CTNNA3: variants seen among roughly 807,000 people sequenced by gnomAD.
CTNNA3 encodes the protein catenin alpha 3.
Under a neutral mutation model 95.7 loss-of-function variants are expected in CTNNA3, and 76 were observed. That is an observed-to-expected ratio of 0.79 (90% CI 0.66 to 0.96). The LOEUF (loss-of-function observed/expected upper bound fraction) is 0.96, where lower values mean the gene tolerates loss of function less well. Ranked by LOEUF, CTNNA3 falls within the 40% of genes least tolerant of loss-of-function variation. The probability of loss-of-function intolerance (pLI) is 0.00; values close to 1 mark genes in which losing one functional copy is unlikely to be tolerated. For synonymous variants in CTNNA3, 431 were observed against 374.4 expected, an observed-to-expected ratio of 1.15 and a Z score of -1.74; for missense variants, 1,191 against 1,089.8, an observed-to-expected ratio of 1.09 and a Z score of -1.31.
chr10:67,607,002 T>C lies in CTNNA3; in HGVS notation c.147A>G (p.Lys49=). Residue 49 remains lysine, a synonymous_variant, in exon 3 of 18, where the codon AAA becomes AAG. Coordinates refer to ENST00000433211, the MANE Select transcript of CTNNA3 (RefSeq NM_013266.4). Reference sequence around the variant, plus strand: ...GGACACTGGCTCTTTTCGAACGTCCTTTTTTCCTGCTGGAAGGGTTCTGGG... The same window carrying C: ...GGACACTGGCTCTTTTCGAACGTCCCTTTTTCCTGCTGGAAGGGTTCTGGG... ...NCPQNPSSRK[K]GRSKRASVLL... 1 of 1,613,202 alleles carries C rather than the reference T, an allele frequency of 6.2e-7. No homozygotes were observed. Among genetic ancestry groups the C allele is most frequent in the African/African-American group, 1.3e-5 (1 of 75,004 alleles).
In CTNNA3 at chr10:67,110,362, C is replaced by CA. The variant is rs201393286; in HGVS notation, c.1047+69954dup. 3.0e-3 allele frequency among the ~76,000 whole-genome samples: 446 copies of CA among 150,686 alleles called. 4 individuals carry two copies. The highest frequency in any genetic ancestry group is 9.2e-3 in the African/African-American group (377 of 41,112). ...AGTCTGGGAAACTCCACTTGGCTTA[C>CA]AAAAAAAAATCAATATGCTTTTTAT... On this transcript the variant is annotated intron_variant, in intron 7 of 17. Transcript: ENST00000433211.
intron 7 of CTNNA3, among the ~76,000 whole-genome samples, chr10:66,997,114 T>C (rs1453683723): frequency 6.6e-6 from 1 of 152,208 alleles, no homozygotes; most frequent in Non-Finnish European, 1.5e-5. Flanking sequence ...GAGCAGAAGA[T>C]GATCTGCACA....
chr10:67,603,163 G>A (rs1488256445), intron 3 of CTNNA3, among the ~76,000 whole-genome samples: 2 of 152,134 alleles, frequency 1.3e-5, no homozygotes, highest in East Asian at 1.9e-4. Context: ...ATCAGCATAC[G>A]GGGTCAGTAA....
intron 7 of CTNNA3, among the ~76,000 whole-genome samples, chr10:67,038,523 T>G (rs1435053319): frequency 6.6e-6 from 1 of 152,088 alleles, no homozygotes; most frequent in Non-Finnish European, 1.5e-5. Context: ...TTGATATATA[T>G]TCTGATATCA....
At chr10:67,026,009 C>CA (rs1402860711) in intron 7 of CTNNA3, among the ~76,000 whole-genome samples, 2 of 148,314 alleles carry the variant, frequency 1.3e-5, no homozygotes, top group East Asian at 2.0e-4. Context: ...ATCGCAAGGA[C>CA]AAAAAACCAA....
At chr10:66,057,117 T>C (rs1267684967) in intron 15 of CTNNA3, among the ~76,000 whole-genome samples, 2 of 152,166 alleles carry the variant, frequency 1.3e-5, no homozygotes, top group African/African-American at 4.8e-5. Context: ...AAATCTCCTT[T>C]TTAAAGCTTT....
At chr10:66,674,221 T>G (rs1375609803) in intron 9 of CTNNA3, among the ~76,000 whole-genome samples, 1 of 152,100 alleles carries the variant, frequency 6.6e-6, no homozygotes. Context: ...TTGGGTTTGC[T>G]TCTGATTTTT....
At chr10:66,059,586 C>T (rs1246330367) in intron 15 of CTNNA3, among the ~76,000 whole-genome samples, 4 of 152,090 alleles carry the variant, frequency 2.6e-5, no homozygotes, top group African/African-American at 4.8e-5. Context: ...TGCTTTGCTG[C>T]CCATCTCCTT....
chr10:67,486,041 G>A (rs531305455), intron 5 of CTNNA3, among the ~76,000 whole-genome samples: 1 of 152,208 alleles, frequency 6.6e-6, no homozygotes, highest in African/African-American at 2.4e-5. Flanking sequence ...CCAAACCTAA[G>A]GGAATTTTAA....
intron 10 of CTNNA3, among the ~76,000 whole-genome samples, chr10:66,600,480 C>CA: frequency 2.0e-5 from 3 of 151,732 alleles, no homozygotes; most frequent in Non-Finnish European, 4.4e-5. Context: ...GCTTTGACTA[C>CA]TAGATTTTTG....
chr10:66,749,985 A>G (rs1839065869), intron 9 of CTNNA3, among the ~76,000 whole-genome samples: 1 of 152,152 alleles, frequency 6.6e-6, no homozygotes, highest in South Asian at 2.1e-4. Flanking sequence ...ACATCTTTTC[A>G]TATGCTTATT....
intron 15 of CTNNA3, among the ~76,000 whole-genome samples, chr10:66,009,357 A>G (rs116717878): frequency 0.012 from 1,835 of 152,264 alleles, 30 homozygotes; most frequent in African/African-American, 0.042. Flanking sequence ...TTATAAATCC[A>G]GGTATCTTTG....
chr10:66,801,902 T>C (rs1841446978), intron 7 of CTNNA3, among the ~76,000 whole-genome samples: 1 of 151,558 alleles, frequency 6.6e-6, no homozygotes, highest in African/African-American at 2.4e-5. Context: ...AAAGTATAAA[T>C]AAGTACATCA....
intron 9 of CTNNA3, among the ~76,000 whole-genome samples, chr10:66,743,340 C>A (rs545067501): frequency 6.6e-6 from 1 of 152,120 alleles, no homozygotes; most frequent in Non-Finnish European, 1.5e-5. Flanking sequence ...TACAAATTTA[C>A]CCTCTGCAAA....
chr10:67,140,675 T>C (rs1159994432), intron 7 of CTNNA3, among the ~76,000 whole-genome samples: 1 of 152,132 alleles, frequency 6.6e-6, no homozygotes, highest in Non-Finnish European at 1.5e-5. Flanking sequence ...TAACAAAGAC[T>C]GTGATATTAG....
intron 9 of CTNNA3, among the ~76,000 whole-genome samples, chr10:66,736,470 G>A (rs765288269): frequency 2.0e-5 from 3 of 151,908 alleles, no homozygotes; most frequent in East Asian, 1.9e-4. Context: ...TGAGATTACA[G>A]GAGTGATCTG....
chr10:66,023,575 T>C (rs1416398841), intron 15 of CTNNA3, among the ~76,000 whole-genome samples: 36 of 152,318 alleles, frequency 2.4e-4, no homozygotes, highest in Non-Finnish European at 5.9e-5. Flanking sequence ...TAAATTAAAG[T>C]ATGCCTATGA....
intron 9 of CTNNA3, among the ~76,000 whole-genome samples, chr10:66,732,105 T>G (rs948584991): frequency 6.6e-6 from 1 of 152,244 alleles, no homozygotes; most frequent in African/African-American, 2.4e-5. Flanking sequence ...TTGACTCAAT[T>G]TGCCCAGGTT....
At chr10:66,286,872 T>A (rs1292948360) in intron 12 of CTNNA3, among the ~76,000 whole-genome samples, 1 of 152,094 alleles carries the variant, frequency 6.6e-6, no homozygotes, top group Non-Finnish European at 1.5e-5. Context: ...CTATCTGGTA[T>A]CTTTCTGCCC....
Sources: allele counts gnomAD v4.1 joint callset (sites outside exome capture counted in the v4.1 genomes callset), GRCh38; gene constraint gnomAD v4.1.1; transcripts MANE v1.5; gene names NCBI Gene and HGNC (gene_info 2026-07-23, HGNC 2026-07-21).